NF1: variants seen among roughly 807,000 people sequenced by gnomAD.
NF1 encodes the protein neurofibromin 1.
A neutral mutation model predicts 325.7 loss-of-function variants in NF1; 122 were observed. That is an observed-to-expected ratio of 0.37 (90% CI 0.32 to 0.44). The LOEUF (loss-of-function observed/expected upper bound fraction) is 0.44, where lower values mean the gene tolerates loss of function less well. NF1 is among the 20% of genes least tolerant of loss of function. NF1 has a pLI of 1.00. For synonymous variants in NF1, 1,091 were observed against 1,186.0 expected, an observed-to-expected ratio of 0.92 and a Z score of 1.65; for missense variants, 2,140 against 3,415.4, an observed-to-expected ratio of 0.63 and a Z score of 9.31.
intron 36 of NF1, chr17:31,272,852 T>C (rs1436828481): frequency 4.6e-5 from 7 of 152,176 alleles, no homozygotes; most frequent in Non-Finnish European, 1.0e-4. Context: ...TATCAGTACA[T>C]TTGTGTTATG....
In NF1 at chr17:31,325,876, T is replaced by G. The variant is rs1555533292; in HGVS notation, c.4892T>G (p.Leu1631Ter). The change falls in exon 37 of 58, where the codon TTA becomes TGA. Residue 1631 changes from leucine to a stop codon, truncating the protein, a stop_gained. Coordinates refer to ENST00000358273, the MANE Select transcript of NF1 (RefSeq NM_001042492.3). LOFTEE classifies it high-confidence loss of function. ...DLLIYHVLLT[L>*]KPYYAKPYEI... is the part of the protein sequence containing the mutation. ...CTGATATACCATGTCTTACTGACTTTAAAGCCATATTATGCAAAGCCATAT... is the reference window on the plus strand; with the variant it reads ...CTGATATACCATGTCTTACTGACTTGAAAGCCATATTATGCAAAGCCATAT... 6.2e-7 allele frequency: 1 copy of G among 1,614,230 alleles called. No individual in the cohort carries two copies. Among genetic ancestry groups the G allele is most frequent in the Non-Finnish European group, 8.5e-7 (1 of 1,180,026 alleles).
chr17:31,352,239 A>G lies in NF1; in HGVS notation c.7458-18A>G, dbSNP rs371362605. The stretch of plus-strand genomic sequence containing the variant: ...TCACCATATTAATTGATTTTTCTCT[A>G]TTGTTTTCATCTTTCAGGACACTAA... On this transcript the variant is annotated intron_variant, in intron 50 of 57. Transcript: ENST00000358273. 1.4e-5 allele frequency: 22 copies of G among 1,612,684 alleles called. No homozygotes were observed. The highest frequency in any genetic ancestry group is 1.7e-4 in the Middle Eastern group (1 of 6,052).
intron 1 of NF1, among the ~76,000 whole-genome samples, chr17:31,103,346 G>C (rs1912537812): frequency 6.6e-6 from 1 of 151,922 alleles, no homozygotes; most frequent in Non-Finnish European, 1.5e-5. Flanking sequence ...GGGTTCAAGT[G>C]ATTCTCCTGC....
chr17:31,201,243 C>T, intron 10 of NF1, 84 bp downstream of exon 10: 1 of 1,558,728 alleles, frequency 6.4e-7, no homozygotes, highest in South Asian at 1.1e-5. Context: ...TTAATAGGTT[C>T]ACTTTTATCG....
intron 1 of NF1, among the ~76,000 whole-genome samples, chr17:31,135,360 A>G (rs1386673226): frequency 6.6e-6 from 1 of 151,550 alleles, no homozygotes; most frequent in African/African-American, 2.4e-5. Context: ...TCTTGTTTCT[A>G]TTTGCCTGAT....
intron 57 of NF1, among the ~76,000 whole-genome samples, chr17:31,369,881 T>A (rs770891819): frequency 1.2e-4 from 19 of 152,202 alleles, no homozygotes; most frequent in Non-Finnish European, 2.2e-4. Flanking sequence ...GCTGCCAAAA[T>A]TCTTAGAAGT....
intron 36 of NF1, chr17:31,299,563 G>C (rs983290837): frequency 2.0e-5 from 3 of 152,002 alleles, no homozygotes; most frequent in Non-Finnish European, 4.4e-5. Context: ...CCAAGGAATA[G>C]CTATCCCACG....
chr17:31,240,283 G>A (rs1337429499), intron 29 of NF1, among the ~76,000 whole-genome samples: 1 of 151,710 alleles, frequency 6.6e-6, no homozygotes, highest in Admixed American at 6.6e-5. Flanking sequence ...ATCTCCATGA[G>A]TTCAATTGTT....
chr17:31,318,845 C>T (rs2151527452), intron 36 of NF1: 1 of 1,614,010 alleles, frequency 6.2e-7, no homozygotes, highest in South Asian at 1.1e-5. Context: ...TTAATGTTTT[C>T]ATTTTGGTTT....
chr17:31,292,692 G>A (rs2068366041), intron 36 of NF1, among the ~76,000 whole-genome samples: 2 of 152,156 alleles, frequency 1.3e-5, no homozygotes, highest in Non-Finnish European at 2.9e-5. Flanking sequence ...AGTAGTTGAC[G>A]TATATTGTAC....
At position 31,229,820 on chromosome 17, in the gene NF1, T is replaced by G. The variant is rs371120423; in HGVS notation, c.2851-15T>G. 9.1e-5 allele frequency: 146 copies of G among 1,611,508 alleles called. No homozygotes were observed. The highest frequency in any genetic ancestry group is 1.2e-4 in the Non-Finnish European group (143 of 1,179,558). ...CATTGATGGCAAATCATTAATGTAT[T>G]TGTTCTTTCTTTAGGTTTTATTGAC... is the stretch of plus-strand genomic sequence containing the variant. On this transcript the variant is annotated splice_polypyrimidine_tract_variant and intron_variant, in intron 21 of 57. Transcript: ENST00000358273.
At chr17:31,271,531 C>G (rs138736361) in intron 36 of NF1, among the ~76,000 whole-genome samples, 1 of 152,062 alleles carries the variant, frequency 6.6e-6, no homozygotes, top group South Asian at 2.1e-4. Context: ...GCGGGTAGAT[C>G]CCCTGAAGTC....
At chr17:31,350,995 A>C (rs1384252255) in intron 50 of NF1, among the ~76,000 whole-genome samples, 1 of 152,212 alleles carries the variant, frequency 6.6e-6, no homozygotes, top group Non-Finnish European at 1.5e-5. Context: ...TGATAAAAAG[A>C]CTTCAACAAT....
At chr17:31,147,726 A>C (rs2952978) in intron 1 of NF1, among the ~76,000 whole-genome samples, 83,972 of 152,020 alleles carry the variant, frequency 0.55, 26,370 homozygotes, top group Middle Eastern at 0.76. Context: ...ATCACTGAGA[A>C]CTGTATTTAC....
At chr17:31,241,309 T>TA (rs1161900055) in intron 29 of NF1, among the ~76,000 whole-genome samples, 1 of 152,202 alleles carries the variant, frequency 6.6e-6, no homozygotes, top group African/African-American at 2.4e-5. Flanking sequence ...CAATCACTCT[T>TA]ACGTCTTTTG....
intron 1 of NF1, among the ~76,000 whole-genome samples, chr17:31,149,580 G>A (rs922912737): frequency 4.6e-5 from 7 of 152,074 alleles, no homozygotes; most frequent in African/African-American, 1.7e-4. Flanking sequence ...TCAGACCAGC[G>A]TTCATACTGT....
chr17:31,268,624 T>TAAAAA (rs1296165385), intron 36 of NF1, among the ~76,000 whole-genome samples: 1 of 118,260 alleles, frequency 8.5e-6, no homozygotes, highest in African/African-American at 3.1e-5. Flanking sequence ...AGACTCTGTC[T>TAAAAA]AAAAAAAAAA....
intron 2 of NF1, 55 bp from the exon 3 acceptor site, chr17:31,158,955 G>A (rs1161498178): frequency 9.6e-6 from 10 of 1,038,674 alleles, no homozygotes; most frequent in African/African-American, 6.3e-5. Flanking sequence ...GATGTGTGTT[G>A]ATTGGTAGCA....
At chr17:31,334,237 C>A (rs1229077100) in intron 39 of NF1, among the ~76,000 whole-genome samples, 2 of 151,314 alleles carry the variant, frequency 1.3e-5, no homozygotes, top group East Asian at 3.9e-4. Flanking sequence ...GCGGAACTTG[C>A]AGTGAGCCGA....
Sources: allele counts gnomAD v4.1 joint callset (sites outside exome capture counted in the v4.1 genomes callset), GRCh38; gene constraint gnomAD v4.1.1; transcripts MANE v1.5; gene names NCBI Gene and HGNC (gene_info 2026-07-23, HGNC 2026-07-21).